Variants in ENPP6 observed in about 807,000 individuals in gnomAD.
ENPP6 encodes glycerophosphocholine cholinephosphodiesterase ENPP6.
A neutral mutation model predicts 42.0 loss-of-function variants in ENPP6; 32 were observed. That is an observed-to-expected ratio of 0.76 (90% confidence interval 0.58 to 1.02). ENPP6 has a LOEUF of 1.02. ENPP6 is among the 50% of genes least tolerant of loss of function. The pLI is 0.00. For synonymous variants in ENPP6, 213 were observed against 216.0 expected, an observed-to-expected ratio of 0.99 and a Z score of 0.12; for missense variants, 552 against 566.8, an observed-to-expected ratio of 0.97 and a Z score of 0.27.
At position 184,154,830 on chromosome 4, in the gene ENPP6, T is replaced by C. The variant is rs73872151; in HGVS notation, c.242-1097A>G. ...AAAACTTTCACATTAAAAAGATTAATACAATTAAAAATAAAATAAAATTAA... is the reference window on the plus strand; with the variant it reads ...AAAACTTTCACATTAAAAAGATTAACACAATTAAAAATAAAATAAAATTAA... On this transcript the variant is annotated intron_variant, in intron 1 of 7. Coordinates refer to ENST00000296741, the MANE Select transcript of ENPP6 (RefSeq NM_153343.4). Among the ~76,000 whole-genome samples, 83 of 152,316 alleles carry C rather than the reference T, an allele frequency of 5.4e-4. 1 individual carries two copies. The highest frequency in any genetic ancestry group is 1.9e-3 in the African/African-American group (81 of 41,566).
At chr4:184,190,929 A>G (rs1732704893) in intron 1 of ENPP6, among the ~76,000 whole-genome samples, 1 of 152,244 alleles carries the variant, frequency 6.6e-6, no homozygotes, top group Admixed American at 6.5e-5. Context: ...AGAAGCGCTT[A>G]TTGTTCACAT....
intron 1 of ENPP6, among the ~76,000 whole-genome samples, chr4:184,154,867 A>G (rs1737132799): frequency 1.3e-5 from 2 of 152,244 alleles, no homozygotes; most frequent in Non-Finnish European, 2.9e-5. Flanking sequence ...ATGTTGAGCA[A>G]TTTTGGCAAT....
intron 7 of ENPP6, among the ~76,000 whole-genome samples, chr4:184,092,301 C>A (rs924872594): frequency 6.6e-6 from 1 of 152,114 alleles, no homozygotes; most frequent in Non-Finnish European, 1.5e-5. Context: ...GAGTGGAACA[C>A]TCTTTGGGAG....
At chr4:184,113,953 T>TTCTTTCTTTCTC (rs1276164696) in intron 5 of ENPP6, among the ~76,000 whole-genome samples, 3 of 142,052 alleles carry the variant, frequency 2.1e-5, no homozygotes, top group Non-Finnish European at 3.1e-5. Flanking sequence ...CTTTCTTTCT[T>TTCTTTCTTTCTC]TCTTTCTTTC....
Position 184,091,102 on chromosome 4 carries a change from T to C in ENPP6, c.*75A>G. ...TGTTAATGAAGCTATTATTCACACA[T>C]AAAATGAAAATCATCTGGCTTTGGA... On this transcript the variant is annotated 3_prime_UTR_variant, in exon 8 of 8. Coordinates refer to ENST00000296741, the MANE Select transcript of ENPP6 (RefSeq NM_153343.4). 2 of 1,387,602 alleles carry C rather than the reference T, an allele frequency of 1.4e-6. No individual in the cohort carries two copies. The highest frequency in any genetic ancestry group is 2.5e-5 in the Admixed American group (1 of 40,060). 86.0% of individuals were successfully genotyped at this position (1,387,602 alleles called of 1,614,324 possible). A position where few individuals can be genotyped will look rare whatever the true frequency, so the allele number is the denominator to read the frequency against.
intron 2 of ENPP6, among the ~76,000 whole-genome samples, chr4:184,135,962 G>A (rs1736724819): frequency 6.6e-6 from 1 of 152,030 alleles, no homozygotes; most frequent in Admixed American, 6.6e-5. Flanking sequence ...TACATTTAAT[G>A]TATTTTCTGA....
rs1735754873 is a variant in ENPP6 at position 184,089,728 on chromosome 4, CG to C, written c.*1448del. The stretch of plus-strand genomic sequence containing the variant: ...TCTGGAACTCCTGGCCTCAAGGGTT[CG>C]TTTGTCCCTCCTTGGCCTCCGAAAG... On this transcript the variant is annotated 3_prime_UTR_variant, in exon 8 of 8. Coordinates refer to ENST00000296741, the MANE Select transcript of ENPP6 (RefSeq NM_153343.4). 6.6e-6 allele frequency: 1 copy of C among 152,094 alleles called. No homozygotes were observed. The highest frequency in any genetic ancestry group is 1.5e-5 in the Non-Finnish European group (1 of 68,048). The allele number at this position is 152,094 out of a possible 1,614,324, so 9.4% of individuals were successfully genotyped here. A position where few individuals can be genotyped will look rare whatever the true frequency, so the allele number is the denominator to read the frequency against.
At chr4:184,207,572 C>T (rs1171038453) in intron 1 of ENPP6, among the ~76,000 whole-genome samples, 1 of 152,228 alleles carries the variant, frequency 6.6e-6, no homozygotes, top group Non-Finnish European at 1.5e-5. Context: ...AGTTGATCCA[C>T]ACACCGCTCT....
At chr4:184,113,197 G>A (rs1736232615) in intron 5 of ENPP6, among the ~76,000 whole-genome samples, 1 of 152,244 alleles carries the variant, frequency 6.6e-6, no homozygotes, top group Non-Finnish European at 1.5e-5. Context: ...CACTGAAGAT[G>A]AATGAATTAT....
intron 1 of ENPP6, among the ~76,000 whole-genome samples, chr4:184,183,181 T>G (rs1240463350): frequency 6.6e-6 from 1 of 152,248 alleles, no homozygotes; most frequent in African/African-American, 2.4e-5. Context: ...GTATATGCTA[T>G]TGCACTGAAG....
intron 1 of ENPP6, among the ~76,000 whole-genome samples, chr4:184,157,037 T>G (rs1328442352): frequency 6.6e-6 from 1 of 152,214 alleles, no homozygotes; most frequent in Non-Finnish European, 1.5e-5. Flanking sequence ...CCTTCCTTTT[T>G]CTTGTAGAGT....
chr4:184,136,504 T>G (rs1057321001), intron 2 of ENPP6, among the ~76,000 whole-genome samples: 8 of 152,228 alleles, frequency 5.3e-5, no homozygotes, highest in African/African-American at 1.4e-4. Context: ...AGTTAATATT[T>G]CCTTTACTCT....
intron 1 of ENPP6, among the ~76,000 whole-genome samples, chr4:184,158,815 C>CT (rs1737215956): frequency 6.6e-6 from 1 of 152,108 alleles, no homozygotes; most frequent in Non-Finnish European, 1.5e-5. Flanking sequence ...CAACTGCATC[C>CT]TTTTTTTCAC....
chr4:184,193,434 C>T (rs541817198), intron 1 of ENPP6, among the ~76,000 whole-genome samples: 1 of 152,190 alleles, frequency 6.6e-6, no homozygotes, highest in Non-Finnish European at 1.5e-5. Context: ...AAAGGCAAAT[C>T]TATAAAGGCA....
At position 184,089,184 on chromosome 4, in the gene ENPP6, A is replaced by G. The variant is rs186035041; in HGVS notation, c.*1993T>C. The G allele has an allele frequency of 5.9e-5, 9 of 152,332 alleles. No individual in the cohort carries two copies. In the East Asian group the frequency reaches 1.3e-3, roughly 23 times the overall value. 9.4% of individuals were successfully genotyped at this position (152,332 alleles called of 1,614,324 possible). ...AGGCTGAAGAGTTGCCTTCTTTCCA[A>G]TTGATCCGATGGTTTACTGGCGCTT... On this transcript the variant is annotated 3_prime_UTR_variant, in exon 8 of 8. Coordinates refer to ENST00000296741, the MANE Select transcript of ENPP6 (RefSeq NM_153343.4).
chr4:184,139,172 T>A (rs1333438904), intron 2 of ENPP6, among the ~76,000 whole-genome samples: 2 of 152,330 alleles, frequency 1.3e-5, no homozygotes, highest in East Asian at 1.9e-4. Context: ...AGGGAAAACA[T>A]CTGCCCTTAC....
chr4:184,133,257 C>T (rs1383142036), intron 2 of ENPP6, among the ~76,000 whole-genome samples: 2 of 152,156 alleles, frequency 1.3e-5, no homozygotes, highest in Admixed American at 1.3e-4. Flanking sequence ...TGATAAAATA[C>T]TAAGACTACC....
chr4:184,202,173 T>C (rs186882444), intron 1 of ENPP6, among the ~76,000 whole-genome samples: 12 of 152,348 alleles, frequency 7.9e-5, no homozygotes, highest in African/African-American at 2.9e-4. Flanking sequence ...GAAATATAAT[T>C]TGATGAAAAT....
At chr4:184,112,205 A>G (rs1736206028) in intron 6 of ENPP6, among the ~76,000 whole-genome samples, 3 of 152,268 alleles carry the variant, frequency 2.0e-5, no homozygotes, top group African/African-American at 7.2e-5. Context: ...TGAGGCAATT[A>G]AGGTTTGGAC....
Sources: gnomAD v4.1 joint callset for allele counts (sites outside exome capture counted in the v4.1 genomes callset) on GRCh38, gnomAD v4.1.1 for gene constraint, MANE v1.5 for transcripts, NCBI Gene and HGNC (gene_info 2026-07-23, HGNC 2026-07-21) for gene names.